Variants in CCDC157 observed in about 807,000 individuals in gnomAD.
CCDC157 encodes the protein coiled-coil domain containing 157, also known as coiled-coil domain-containing protein 157.
A neutral mutation model predicts 70.9 loss-of-function variants in CCDC157; 60 were observed. The observed-to-expected ratio is 0.85, with a 90% confidence interval of 0.69 to 1.05. The LOEUF is 1.05. Among genes scored for constraint, CCDC157 ranks in the 50% least tolerant of loss-of-function variants. CCDC157 has a pLI of 0.00. For synonymous variants in CCDC157, 373 were observed against 422.4 expected, an observed-to-expected ratio of 0.88 and a Z score of 1.43; for missense variants, 943 against 984.2, an observed-to-expected ratio of 0.96 and a Z score of 0.56.
At chr22:30,357,660 C>G (rs1238088632) in intron 1 of CCDC157, among the ~76,000 whole-genome samples, 1 of 136,992 alleles carries the variant, frequency 7.3e-6, no homozygotes, top group South Asian at 2.5e-4. Context: ...GCCCACCACA[C>G]CCGGCTAATT....
At chr22:30,376,376 A>G (rs750851711) in intron 11 of CCDC157, 29 bp downstream of exon 11, 24 of 1,613,624 alleles carry the variant, frequency 1.5e-5, no homozygotes, top group Admixed American at 6.7e-5. Context: ...GAGGTGGGGC[A>G]GGTGAGTGGA....
chr22:30,365,353 A>G (rs1358687531), intron 2 of CCDC157, among the ~76,000 whole-genome samples: 1 of 142,956 alleles, frequency 7.0e-6, no homozygotes, highest in Non-Finnish European at 1.5e-5. Context: ...TGGAGGGGAG[A>G]CTATGGGGTA....
Position 30,370,675 on chromosome 22 carries a change from T to G in CCDC157, c.770T>G (p.Leu257Arg). The stretch of plus-strand genomic sequence containing the variant: ...TCGTCCTTAGGCCAGTTCCAGCAAC[T>G]GGTGCAGGACAGCATGGGGCTCAGG... ...LPSSLGQFQQ[L>R]VQDSMGLRPL... The change falls in exon 5 of 12, where the codon CTG becomes CGG. Residue 257 changes from leucine to arginine, a missense_variant. Leu to Arg is a moderately radical substitution (Grantham distance 102). Transcript: ENST00000338306. The G allele has an allele frequency of 1.9e-6, 3 of 1,613,800 alleles. No homozygotes were observed. Among genetic ancestry groups the G allele is most frequent in the Non-Finnish European group, 1.7e-6 (2 of 1,179,948 alleles).
chr22:30,371,281 C>G (rs1932928480), intron 5 of CCDC157: 1 of 486,074 alleles, frequency 2.1e-6, no homozygotes, highest in African/African-American at 1.9e-5. Context: ...CCTGGCACTT[C>G]CAGCCAAGCA....
intron 5 of CCDC157, 41 bp from the exon 6 acceptor site, chr22:30,371,609 C>T (rs1249645046): frequency 6.4e-7 from 1 of 1,553,488 alleles, no homozygotes; most frequent in African/African-American, 1.4e-5. Flanking sequence ...CCGGCCAGGT[C>T]CATGGGACCC....
chr22:30,371,588 C>G, intron 5 of CCDC157, 62 bp from the exon 6 acceptor site: 1 of 1,384,012 alleles, frequency 7.2e-7, no homozygotes, highest in Non-Finnish European at 1.0e-6. Context: ...GCACACTGGG[C>G]ATGAAGGCCG....
chr22:30,358,315 A>C (rs1932082184), intron 1 of CCDC157, among the ~76,000 whole-genome samples: 1 of 152,244 alleles, frequency 6.6e-6, no homozygotes, highest in Non-Finnish European at 1.5e-5. Context: ...TGTGCCCAAC[A>C]CTTCATGTGT....
In CCDC157 at chr22:30,370,668, C is replaced by T. The variant is rs1601735497; in HGVS notation, c.763C>T (p.Gln255Ter). 3 of 1,613,838 alleles carry T rather than the reference C, an allele frequency of 1.9e-6. No individual in the cohort carries two copies. The highest frequency in any genetic ancestry group is 2.5e-6 in the Non-Finnish European group (3 of 1,179,938). The change falls in exon 5 of 12, where the codon CAG (glutamine) becomes TAG (stop). Residue 255 changes from glutamine (Q) to a stop codon, truncating the protein, a stop_gained. Transcript: ENST00000338306. LOFTEE classifies it high-confidence loss of function. ...CCTGCCCTCGTCCTTAGGCCAGTTC[C>T]AGCAACTGGTGCAGGACAGCATGGG... ...QNLPSSLGQF[Q>*]QLVQDSMGLR... is the part of the protein sequence containing the mutation.
intron 1 of CCDC157, among the ~76,000 whole-genome samples, chr22:30,361,592 G>A (rs1009329931): frequency 2.6e-5 from 4 of 152,202 alleles, no homozygotes; most frequent in Non-Finnish European, 5.9e-5. Context: ...AAAATTGTGT[G>A]TGTGGCTTAT....
chr22:30,371,613 G>A (rs1426307477), intron 5 of CCDC157, 37 bp from the exon 6 acceptor site: 1 of 1,569,086 alleles, frequency 6.4e-7, no homozygotes, highest in African/African-American at 1.4e-5. Context: ...CCAGGTCCAT[G>A]GGACCCTCTG....
chr22:30,357,347 C>T (rs1931964239), intron 1 of CCDC157, among the ~76,000 whole-genome samples: 1 of 152,166 alleles, frequency 6.6e-6, no homozygotes, highest in Non-Finnish European at 1.5e-5. Context: ...ATTTCAGACC[C>T]ACATCCTCCA....
intron 1 of CCDC157, among the ~76,000 whole-genome samples, chr22:30,360,823 G>A (rs1401617060): frequency 2.0e-5 from 3 of 152,010 alleles, no homozygotes; most frequent in Non-Finnish European, 4.4e-5. Flanking sequence ...TGAGGTAGGT[G>A]GATCATGAGG....
intron 1 of CCDC157, among the ~76,000 whole-genome samples, chr22:30,361,174 G>A (rs1436880488): frequency 1.3e-5 from 2 of 151,556 alleles, no homozygotes; most frequent in Non-Finnish European, 1.5e-5. Flanking sequence ...CTTGAACCCA[G>A]GAGGCGGAGG....
Position 30,373,921 on chromosome 22 carries a change from A to G in CCDC157, c.1504-2A>G, listed in dbSNP as rs377142301. ...CCAGGCCTGAGCCTCCGTCTGTCCC[A>G]GGAGCTGCTGCAGAGCCTGCAGAGG... On this transcript the variant is annotated splice_acceptor_variant, in intron 8 of 11. Transcript: ENST00000338306. LOFTEE classifies it high-confidence loss of function. 355 of 1,607,470 alleles carry G rather than the reference A, an allele frequency of 2.2e-4. 1 individual carries two copies. Among genetic ancestry groups the G allele is most frequent in the Non-Finnish European group, 2.9e-4 (343 of 1,177,286 alleles).
intron 3 of CCDC157, 114 bp from the exon 4 acceptor site, chr22:30,369,318 T>C (rs1932832425): frequency 3.1e-6 from 3 of 964,614 alleles, no homozygotes; most frequent in African/African-American, 3.4e-5. Flanking sequence ...ATTCTGAGAC[T>C]CTCCAAGCTC....
At chr22:30,371,770 A>G (rs764298099) in intron 6 of CCDC157, 43 bp downstream of exon 6, 4 of 1,509,302 alleles carry the variant, frequency 2.7e-6, no homozygotes, top group Non-Finnish European at 3.7e-6. Context: ...ATCTCAAGCC[A>G]GGGGTGTGGC....
intron 4 of CCDC157, 44 bp from the exon 5 acceptor site, chr22:30,370,282 A>G (rs780219462): frequency 2.5e-6 from 4 of 1,598,378 alleles, no homozygotes; most frequent in Admixed American, 3.4e-5. Flanking sequence ...CTCCCTCTCT[A>G]CTCTCTCCCT....
intron 4 of CCDC157, 106 bp from the exon 5 acceptor site, chr22:30,370,220 G>A: frequency 7.9e-7 from 1 of 1,272,762 alleles, no homozygotes; most frequent in Non-Finnish European, 1.1e-6. Flanking sequence ...GGGTCTGAGT[G>A]TCAGGCAAGG....
chr22:30,361,293 C>T (rs1932330927), intron 1 of CCDC157, among the ~76,000 whole-genome samples: 1 of 149,100 alleles, frequency 6.7e-6, no homozygotes, highest in African/African-American at 2.5e-5. Context: ...AGTAGTAATA[C>T]ATGAGGGAGG....
Sources: allele counts gnomAD v4.1 joint callset (sites outside exome capture counted in the v4.1 genomes callset), GRCh38; gene constraint gnomAD v4.1.1; transcripts MANE v1.5; gene names NCBI Gene and HGNC (gene_info 2026-07-23, HGNC 2026-07-21).